P2RX3: variants seen among roughly 807,000 people sequenced by gnomAD.
P2RX3 encodes P2X purinoceptor 3.
P2RX3 carries 41 observed loss-of-function variants against 51.5 expected under a neutral mutation model. The observed-to-expected ratio is 0.80, with a 90% CI of 0.62 to 1.03. P2RX3 has a LOEUF of 1.03. Among genes scored for constraint, P2RX3 ranks in the 50% least tolerant of loss-of-function variants. The pLI is 0.00. For synonymous variants in P2RX3, 185 were observed against 191.6 expected, an observed-to-expected ratio of 0.97 and a Z score of 0.29; for missense variants, 459 against 522.1, an observed-to-expected ratio of 0.88 and a Z score of 1.18.
chr11:57,357,117 G>C (rs1856642920), intron 8 of P2RX3, among the ~76,000 whole-genome samples: 1 of 152,100 alleles, frequency 6.6e-6, no homozygotes, highest in South Asian at 2.1e-4. Flanking sequence ...AGGAGTTCAA[G>C]ACTGTCCTGG....
intron 7 of P2RX3, chr11:57,350,437 C>A: frequency 3.9e-6 from 1 of 253,308 alleles, no homozygotes; most frequent in Non-Finnish European, 7.7e-6. Context: ...TAGCTGGGAC[C>A]AAGCCCGGCT....
At chr11:57,358,393 A>G (rs1856663457) in intron 8 of P2RX3, among the ~76,000 whole-genome samples, 1 of 152,236 alleles carries the variant, frequency 6.6e-6, no homozygotes, top group Non-Finnish European at 1.5e-5. Context: ...CCTAGAATCA[A>G]GCAAGTTTTA....
At chr11:57,350,331 G>T in intron 7 of P2RX3, 1 of 141,976 alleles carries the variant, frequency 7.0e-6, no homozygotes, top group East Asian at 1.9e-4. Flanking sequence ...ACAGAGTCTC[G>T]ATCTGTCTCC....
At chr11:57,337,307 GAAA>G (rs1565058085), upstream of P2RX3, among the ~76,000 whole-genome samples, 1 of 15,766 alleles carries the variant, frequency 6.3e-5, no homozygotes, top group Non-Finnish European at 1.1e-4. Flanking sequence ...AAAAAAAAAA[GAAA>G]GAAAGAAAAA....
intron 8 of P2RX3, among the ~76,000 whole-genome samples, chr11:57,355,282 T>C (rs907613085): frequency 6.6e-6 from 1 of 152,034 alleles, no homozygotes; most frequent in Non-Finnish European, 1.5e-5. Flanking sequence ...CATGTATTCA[T>C]AGACATGAGA....
At chr11:57,353,217 G>A (rs987477536) in intron 8 of P2RX3, among the ~76,000 whole-genome samples, 10 of 152,208 alleles carry the variant, frequency 6.6e-5, no homozygotes, top group African/African-American at 2.2e-4. Flanking sequence ...GATATGGTAA[G>A]ATGTACGCTG....
chr11:57,361,864 C>T (rs187630300), intron 8 of P2RX3, among the ~76,000 whole-genome samples: 2 of 152,174 alleles, frequency 1.3e-5, no homozygotes, highest in African/African-American at 2.4e-5. Context: ...TCACATGAAG[C>T]CTTGCCTAAC....
In P2RX3 at chr11:57,369,551, C is replaced by A; in HGVS notation, c.1080+113C>A. The A allele has an allele frequency of 5.1e-6, 5 of 980,592 alleles. No homozygotes were observed. The Middle Eastern group carries it at 7.6e-4, about 149-fold the overall frequency. The allele number at this position is 980,592 out of a possible 1,614,324, so 60.7% of individuals were successfully genotyped here. ...GCCTTCTGAAGGGGGGTTCACCAGG[C>A]CTCAATGAATATTTGGGGTCCAGAC... On this transcript the variant is annotated intron_variant, in intron 11 of 11. Transcript: ENST00000263314.
intron 8 of P2RX3, among the ~76,000 whole-genome samples, chr11:57,356,821 A>G (rs202067170): frequency 7.1e-6 from 1 of 140,840 alleles, no homozygotes; most frequent in African/African-American, 2.5e-5. Context: ...CATTTTCTTC[A>G]TCATTTTTAG....
At chr11:57,344,386 C>T (rs953833435) in intron 1 of P2RX3, among the ~76,000 whole-genome samples, 5 of 152,164 alleles carry the variant, frequency 3.3e-5, no homozygotes, top group Non-Finnish European at 7.3e-5. Flanking sequence ...CCCATGAATA[C>T]GTACAATTAT....
At chr11:57,340,423 C>G (rs1856317459) in intron 1 of P2RX3, 1 of 152,432 alleles carries the variant, frequency 6.6e-6, no homozygotes, top group Admixed American at 6.5e-5. Context: ...CCTAGCCTGA[C>G]AGCTCCCCAC....
chr11:57,362,600 T>C (rs1453706311), intron 8 of P2RX3, among the ~76,000 whole-genome samples: 1 of 152,190 alleles, frequency 6.6e-6, no homozygotes, highest in Non-Finnish European at 1.5e-5. Context: ...AAATTAGTTA[T>C]GACCCAACAG....
intron 8 of P2RX3, among the ~76,000 whole-genome samples, chr11:57,362,159 A>G (rs55756513): frequency 0.38 from 57,068 of 152,098 alleles, 12,169 homozygotes; most frequent in East Asian, 0.65. Flanking sequence ...AAAGGGAGGC[A>G]AGAGGAACAG....
intron 1 of P2RX3, among the ~76,000 whole-genome samples, chr11:57,341,300 A>C (rs938037839): frequency 1.3e-5 from 2 of 152,124 alleles, no homozygotes; most frequent in African/African-American, 4.8e-5. Context: ...CTATAGTGTT[A>C]ATATTTCACT....
chr11:57,369,740 G>C, intron 11 of P2RX3, 144 bp from the exon 12 acceptor site: 1 of 678,274 alleles, frequency 1.5e-6, no homozygotes, highest in Non-Finnish European at 2.6e-6. Context: ...GGGGTACATG[G>C]GAGGGGCCTT....
At chr11:57,360,828 ACAGCGAGATATGG>A (rs1048559410) in intron 8 of P2RX3, among the ~76,000 whole-genome samples, 7 of 151,836 alleles carry the variant, frequency 4.6e-5, no homozygotes, top group Admixed American at 4.6e-4. Flanking sequence ...AGAAAAAGAA[ACAGCGAGATATGG>A]CTCATAGTCC....
intron 8 of P2RX3, among the ~76,000 whole-genome samples, chr11:57,366,880 A>G (rs1856805632): frequency 6.6e-6 from 1 of 152,084 alleles, no homozygotes; most frequent in African/African-American, 2.4e-5. Context: ...CCATTAATCC[A>G]TGAATGGATT....
At chr11:57,351,024 A>C in intron 8 of P2RX3, 126 bp downstream of exon 8, 1 of 1,368,922 alleles carries the variant, frequency 7.3e-7, no homozygotes. Context: ...CTCAGGTTTC[A>C]TTTCAAATCA....
chr11:57,338,533 C>T lies in P2RX3; in HGVS notation c.-18C>T. 1 of 1,561,860 alleles carries T rather than the reference C, an allele frequency of 6.4e-7. No homozygotes were observed. Among genetic ancestry groups the T allele is most frequent in the Non-Finnish European group, 8.8e-7 (1 of 1,137,232 alleles). On this transcript the variant is annotated 5_prime_UTR_variant, in exon 1 of 12. Transcript: ENST00000263314. ...CCACTGGGCCCCCTTCTGAGTGTCC[C>T]CTGAGCACTCTCTCAGCATGAACTG... is the stretch of plus-strand genomic sequence containing the variant.
Sources: allele counts gnomAD v4.1 joint callset (sites outside exome capture counted in the v4.1 genomes callset), GRCh38; gene constraint gnomAD v4.1.1; transcripts MANE v1.5; gene names NCBI Gene and HGNC (gene_info 2026-07-23, HGNC 2026-07-21).